PREX2: variants seen among roughly 807,000 people sequenced by gnomAD.
The protein encoded by PREX2 is phosphatidylinositol-3,4,5-trisphosphate dependent Rac exchange factor 2.
Under a neutral mutation model 203.2 loss-of-function variants are expected in PREX2, and 107 were observed. The observed-to-expected ratio is 0.53, with a 90% CI of 0.45 to 0.62. The LOEUF is 0.62. Among genes scored for constraint, PREX2 ranks in the 20% least tolerant of loss-of-function variants. PREX2 has a pLI of 0.00. For missense variants in PREX2, 1,777 were observed against 1,955.9 expected, an observed-to-expected ratio of 0.91 and a Z score of 1.72; for synonymous variants, 672 against 663.6, an observed-to-expected ratio of 1.01 and a Z score of -0.19.
intron 1 of PREX2, among the ~76,000 whole-genome samples, chr8:68,014,204 A>G (rs1362311406): frequency 6.6e-6 from 1 of 152,304 alleles, no homozygotes; most frequent in East Asian, 1.9e-4. Context: ...TTGATTCTTG[A>G]TAGCAAATTT....
chr8:68,037,645 G>T (rs909494211), intron 6 of PREX2, among the ~76,000 whole-genome samples: 1 of 152,074 alleles, frequency 6.6e-6, no homozygotes, highest in Non-Finnish European at 1.5e-5. Flanking sequence ...AGGGTGAAAG[G>T]CTCTGTGGAA....
intron 1 of PREX2, among the ~76,000 whole-genome samples, chr8:67,969,817 G>T (rs1036172319): frequency 1.3e-5 from 2 of 152,130 alleles, no homozygotes; most frequent in East Asian, 1.9e-4. Context: ...TTTTGCTACC[G>T]CTGTGTAAAA....
chr8:68,161,624 C>T (rs1462781721), intron 35 of PREX2, among the ~76,000 whole-genome samples: 1 of 152,054 alleles, frequency 6.6e-6, no homozygotes. Flanking sequence ...CAGTTGTATC[C>T]TACATTTTAC....
At chr8:68,127,261 C>T (rs1810910702) in intron 30 of PREX2, 117 bp from the exon 31 acceptor site, 3 of 701,246 alleles carry the variant, frequency 4.3e-6, no homozygotes, top group African/African-American at 1.8e-5. Flanking sequence ...AAAACCACAA[C>T]TACTTTTGCA....
chr8:68,199,297 A>T (rs997306929), intron 37 of PREX2, among the ~76,000 whole-genome samples: 7 of 152,254 alleles, frequency 4.6e-5, no homozygotes, highest in African/African-American at 1.7e-4. Context: ...CATGTAATCC[A>T]GTGTCAGCTA....
chr8:68,051,162 C>T (rs537310834), intron 8 of PREX2, among the ~76,000 whole-genome samples: 20 of 152,096 alleles, frequency 1.3e-4, no homozygotes, highest in South Asian at 6.2e-4. Context: ...TGGCTGGCCC[C>T]GGGGTACACT....
At chr8:68,028,196 G>T (rs145303112) in intron 5 of PREX2, among the ~76,000 whole-genome samples, 28 of 151,808 alleles carry the variant, frequency 1.8e-4, no homozygotes, top group African/African-American at 6.3e-4. Context: ...ATGTGTGTAT[G>T]TATGTATGCA....
chr8:67,960,358 T>TC (rs1052975389), intron 1 of PREX2, among the ~76,000 whole-genome samples: 2 of 152,136 alleles, frequency 1.3e-5, no homozygotes, highest in Admixed American at 6.5e-5. Context: ...GGTTTTTTTT[T>TC]CCCCTCCATA....
chr8:68,124,421 A>G (rs1810846811), intron 30 of PREX2, among the ~76,000 whole-genome samples: 1 of 152,168 alleles, frequency 6.6e-6, no homozygotes, highest in Non-Finnish European at 1.5e-5. Flanking sequence ...TCTCATTTAT[A>G]AGTGGAAGCT....
Position 68,153,911 on chromosome 8 carries a change from GA to G in PREX2, c.4232-3407del, listed in dbSNP as rs1811491374. Reference sequence around the variant, plus strand: ...GGAATAATATTGTCAAAAATGTAATGAAAATGGAAATTTATGAGATTGTAGA... The same window carrying G: ...GGAATAATATTGTCAAAAATGTAATGAAATGGAAATTTATGAGATTGTAGA... On this transcript the variant is annotated intron_variant, in intron 34 of 39. Transcript: ENST00000288368. 1.3e-5 allele frequency among the ~76,000 whole-genome samples: 2 copies of G among 152,168 alleles called. 1 individual carries two copies. Among genetic ancestry groups the G allele is most frequent in the South Asian group, 4.1e-4 (2 of 4,830 alleles).
At chr8:68,145,452 A>T (rs7839036) in intron 33 of PREX2, among the ~76,000 whole-genome samples, 63,485 of 152,002 alleles carry the variant, frequency 0.42, 14,595 homozygotes, top group African/African-American at 0.61. Flanking sequence ...AGTGAGGAAC[A>T]TGTATTAAAT....
chr8:67,966,578 A>C (rs958764097), intron 1 of PREX2, among the ~76,000 whole-genome samples: 1 of 152,194 alleles, frequency 6.6e-6, no homozygotes, highest in Non-Finnish European at 1.5e-5. Flanking sequence ...CCTGGGCAAC[A>C]TGGTGAGACC....
chr8:68,092,809 A>G (rs1809922430), intron 20 of PREX2, among the ~76,000 whole-genome samples: 1 of 152,072 alleles, frequency 6.6e-6, no homozygotes, highest in South Asian at 2.1e-4. Flanking sequence ...CCCTCTCACA[A>G]TTGTTTTATT....
At chr8:68,160,428 T>C (rs952883033) in intron 35 of PREX2, among the ~76,000 whole-genome samples, 4 of 152,078 alleles carry the variant, frequency 2.6e-5, no homozygotes, top group African/African-American at 9.7e-5. Flanking sequence ...ATAACATATA[T>C]CAAGGCAAAC....
chr8:68,042,734 T>G (rs188968523), intron 7 of PREX2, among the ~76,000 whole-genome samples: 69 of 152,216 alleles, frequency 4.5e-4, no homozygotes, highest in African/African-American at 1.5e-3. Flanking sequence ...CTTTTCAGTC[T>G]TTAAGCTTCA....
chr8:68,228,401 T>C (rs2129615570), intron 39 of PREX2, among the ~76,000 whole-genome samples: 1 of 152,152 alleles, frequency 6.6e-6, no homozygotes, highest in East Asian at 1.9e-4. Context: ...GGTGAGAGGA[T>C]TGCTTGATAC....
At chr8:68,051,737 A>C (rs1189152325) in intron 8 of PREX2, among the ~76,000 whole-genome samples, 5 of 152,192 alleles carry the variant, frequency 3.3e-5, no homozygotes, top group Non-Finnish European at 2.9e-5. Flanking sequence ...TAAAAGTACA[A>C]AAAATCTTTT....
rs546561354 is a variant in PREX2 at position 68,071,028 on chromosome 8, G to A, written c.1493+1144G>A. On this transcript the variant is annotated intron_variant, in intron 13 of 39. Coordinates refer to ENST00000288368, the MANE Select transcript of PREX2 (RefSeq NM_024870.4). ...ATATTAAGTACTTAATAGCAATTGG[G>A]TACTTAAATATTCTTTTCTGCTAAA... Among the ~76,000 whole-genome samples the A allele has an allele frequency of 3.3e-5, 5 of 152,166 alleles. No homozygotes were observed. The East Asian group carries it at 9.6e-4, about 29-fold the overall frequency.
chr8:68,064,592 G>A (rs1808962421), intron 11 of PREX2, among the ~76,000 whole-genome samples: 1 of 151,510 alleles, frequency 6.6e-6, no homozygotes, highest in African/African-American at 2.4e-5. Flanking sequence ...TGACCAGGTT[G>A]GTCTTGAACT....
Sources: gnomAD v4.1 joint callset for allele counts (sites outside exome capture counted in the v4.1 genomes callset) on GRCh38, gnomAD v4.1.1 for gene constraint, MANE v1.5 for transcripts, NCBI Gene and HGNC (gene_info 2026-07-23, HGNC 2026-07-21) for gene names.